Variants in AKAP13 observed in about 807,000 individuals in gnomAD.
AKAP13 encodes A-kinase anchor protein 13.
AKAP13 carries 80 observed loss-of-function variants against 264.5 expected under a neutral mutation model. That is an observed-to-expected ratio of 0.30 (90% CI 0.25 to 0.36). AKAP13 has a LOEUF of 0.36. Ranked by LOEUF, AKAP13 falls within the 10% of genes least tolerant of loss-of-function variation. AKAP13 has a pLI of 1.00. For synonymous variants in AKAP13, 1,380 were observed against 1,250.2 expected (o/e 1.10, Z -2.19); for missense variants, 3,712 against 3,435.2 (o/e 1.08, Z -2.01).
At chr15:85,704,000 TTTTTG>T (rs2151676448) in intron 17 of AKAP13, among the ~76,000 whole-genome samples, 1 of 152,206 alleles carries the variant, frequency 6.6e-6, no homozygotes, top group African/African-American at 2.4e-5. Context: ...ATTTAACTGT[TTTTTG>T]TTTTATTTTC....
chr15:85,382,334 G>C (rs1386443057), intron 1 of AKAP13, among the ~76,000 whole-genome samples: 4 of 152,156 alleles, frequency 2.6e-5, no homozygotes, highest in African/African-American at 7.2e-5. Context: ...CTGGTTTGGT[G>C]GGCCTTGTGT....
At chr15:85,630,623 A>G (rs2081733605) in intron 8 of AKAP13, among the ~76,000 whole-genome samples, 2 of 152,246 alleles carry the variant, frequency 1.3e-5, no homozygotes, top group Non-Finnish European at 2.9e-5. Flanking sequence ...TTTAAAAAAT[A>G]GAAGGATAGA....
chr15:85,445,861 A>C lies in AKAP13; in HGVS notation c.-11-39849A>C, dbSNP rs964303178. On this transcript the variant is annotated intron_variant, in intron 1 of 36. Transcript: ENST00000394518. ...AATTTCTATGGATACATAATTGTAC[A>C]TTTTTATGGGGTACATGTGATATTT... Among the ~76,000 whole-genome samples, 4 of 152,136 alleles carry C rather than the reference A, an allele frequency of 2.6e-5. No individual in the cohort carries two copies. The East Asian group carries it at 7.7e-4, about 29-fold the overall frequency.
rs745974966 is a variant in AKAP13 at position 85,402,870 on chromosome 15, A to G, written c.-12+22072A>G. On this transcript the variant is annotated intron_variant, in intron 1 of 36. Transcript: ENST00000394518. ...AGGATTGTGTTTCTAAAATGTGTGC[A>G]TTCTTTATTATGTTCACCTGCCTTT... Among the ~76,000 whole-genome samples the G allele has an allele frequency of 5.9e-5, 9 of 152,338 alleles. No individual in the cohort carries two copies. In the South Asian group the frequency reaches 8.3e-4, roughly 14 times the overall value.
intron 5 of AKAP13, chr15:85,555,530 C>G (rs1351573947): frequency 8.4e-7 from 1 of 1,191,740 alleles, no homozygotes; most frequent in African/African-American, 1.6e-5. Flanking sequence ...TGTTAATCTT[C>G]ATTGTTTATT....
chr15:85,506,020 G>GT (rs1567093334), intron 2 of AKAP13, among the ~76,000 whole-genome samples: 1 of 152,200 alleles, frequency 6.6e-6, no homozygotes, highest in African/African-American at 2.4e-5. Context: ...CAGGCCGGGC[G>GT]TGGTGGCTCA....
At chr15:85,613,685 A>ATATATAT (rs2080785910) in intron 8 of AKAP13, among the ~76,000 whole-genome samples, 1 of 67,194 alleles carries the variant, frequency 1.5e-5, no homozygotes, top group African/African-American at 7.1e-5. Flanking sequence ...CGTCTAAAAA[A>ATATATAT]AAAAAAATAT....
At chr15:85,446,710 CTTT>C (rs67306030) in intron 1 of AKAP13, among the ~76,000 whole-genome samples, 127 of 124,386 alleles carry the variant, frequency 1.0e-3, no homozygotes, top group African/African-American at 3.0e-3. Flanking sequence ...TTTTCTTTTT[CTTT>C]TTTTTTTTTT....
intron 1 of AKAP13, among the ~76,000 whole-genome samples, chr15:85,437,735 T>C (rs971803045): frequency 4.6e-5 from 7 of 152,226 alleles, no homozygotes; most frequent in Admixed American, 4.6e-4. Flanking sequence ...GTTATCTCAA[T>C]AGATGCAGAA....
intron 10 of AKAP13, among the ~76,000 whole-genome samples, chr15:85,648,818 G>A (rs994695698): frequency 2.6e-5 from 4 of 152,122 alleles, no homozygotes; most frequent in African/African-American, 4.8e-5. Flanking sequence ...CAGCCTGGGC[G>A]ACAGAGCAAG....
intron 30 of AKAP13, among the ~76,000 whole-genome samples, chr15:85,733,865 TTTCTTTTC>T (rs2088226934): frequency 7.2e-6 from 1 of 138,766 alleles, no homozygotes; most frequent in Non-Finnish European, 1.6e-5. Flanking sequence ...TTTTCTTTTC[TTTCTTTTC>T]TTTTTTTTTT....
intron 5 of AKAP13, among the ~76,000 whole-genome samples, chr15:85,552,775 G>A (rs2078005857): frequency 6.6e-6 from 1 of 151,822 alleles, no homozygotes; most frequent in Admixed American, 6.6e-5. Context: ...CTACAGGCGT[G>A]TGCCACCATG....
At chr15:85,639,880 A>G (rs1335360834) in intron 9 of AKAP13, among the ~76,000 whole-genome samples, 1 of 152,190 alleles carries the variant, frequency 6.6e-6, no homozygotes, top group Admixed American at 6.5e-5. Context: ...GGTGTGGCCT[A>G]GATATCAAAA....
Position 85,727,877 on chromosome 15 carries a change from C to G in AKAP13, c.7087+414C>G, listed in dbSNP as rs753702283. Among the ~76,000 whole-genome samples the G allele has an allele frequency of 1.3e-5, 2 of 152,228 alleles. No individual in the cohort carries two copies. Among genetic ancestry groups the G allele is most frequent in the Non-Finnish European group, 2.9e-5 (2 of 68,040 alleles). On this transcript the variant is annotated intron_variant, in intron 29 of 36. Coordinates refer to ENST00000394518, the MANE Select transcript of AKAP13 (RefSeq NM_007200.5). This position sits in a 1 kb window ranked among gnomAD's most constrained non-coding sequence, Gnocchi z 5.3. ...CCTCCCCCAGTCCCTAGCGTTATCA[C>G]TTATCCGCATGTTTACAAATGAGTT... is the stretch of plus-strand genomic sequence containing the variant.
intron 10 of AKAP13, among the ~76,000 whole-genome samples, chr15:85,650,487 C>T (rs968638049): frequency 1.3e-5 from 2 of 151,510 alleles, no homozygotes; most frequent in South Asian, 2.1e-4. Context: ...ATGACAATTG[C>T]GGCTGGGCGT....
chr15:85,655,366 A>C (rs867678356), intron 10 of AKAP13, 51 bp from the exon 11 acceptor site: 1 of 1,569,496 alleles, frequency 6.4e-7, no homozygotes. Context: ...AACTGAGGCT[A>C]TCTGATTGGC....
intron 10 of AKAP13, among the ~76,000 whole-genome samples, chr15:85,649,111 T>A (rs1247633006): frequency 6.6e-6 from 1 of 152,230 alleles, no homozygotes. Context: ...ATACTTACTG[T>A]ACAGTAGGTA....
At chr15:85,481,538 G>T (rs1182212902) in intron 1 of AKAP13, among the ~76,000 whole-genome samples, 1 of 152,134 alleles carries the variant, frequency 6.6e-6, no homozygotes, top group Non-Finnish European at 1.5e-5. Flanking sequence ...TATTAAATTT[G>T]TTTTTTCTCA....
chr15:85,402,829 G>T (rs939335136), intron 1 of AKAP13, among the ~76,000 whole-genome samples: 60 of 152,180 alleles, frequency 3.9e-4, no homozygotes, highest in Admixed American at 3.3e-4. Flanking sequence ...AAGTGCAAGA[G>T]CTGGGGATTG....
Sources: gnomAD v4.1 joint callset for allele counts (sites outside exome capture counted in the v4.1 genomes callset) on GRCh38, gnomAD v4.1.1 for gene constraint, Gnocchi (gnomAD v3.1) non-coding constraint, MANE v1.5 for transcripts, NCBI Gene and HGNC (gene_info 2026-07-23, HGNC 2026-07-21) for gene names.